SBF1: variants seen among roughly 807,000 people sequenced by gnomAD.
SBF1 encodes myotubularin-related protein 5.
SBF1 carries 65 observed loss-of-function variants against 215.8 expected under a neutral mutation model. The ratio of observed to expected loss-of-function variants is 0.30; its 90% confidence interval spans 0.25 to 0.37. The LOEUF (loss-of-function observed/expected upper bound fraction) is 0.37, where lower values mean the gene tolerates loss of function less well. Ranked by LOEUF, SBF1 falls within the 10% of genes least tolerant of loss-of-function variation. The probability of loss-of-function intolerance (pLI) is 1.00; values close to 1 mark genes in which losing one functional copy is unlikely to be tolerated. For synonymous variants in SBF1, 1,410 were observed against 1,122.8 expected, an observed-to-expected ratio of 1.26 and a Z score of -5.11; for missense variants, 2,634 against 2,667.8, an observed-to-expected ratio of 0.99 and a Z score of 0.28.
rs2066913360 is a variant in SBF1 at position 50,448,283 on chromosome 22, G to A, written c.5313C>T (p.Arg1771=). The A allele has an allele frequency of 1.2e-6, 2 of 1,613,088 alleles. No homozygotes were observed. Among genetic ancestry groups the A allele is most frequent in the Non-Finnish European group, 1.7e-6 (2 of 1,179,982 alleles). The change falls in exon 38 of 41, where the codon CGC becomes CGT. Residue 1771 remains arginine (R), a synonymous_variant. Coordinates refer to ENST00000380817, the MANE Select transcript of SBF1 (RefSeq NM_002972.4). Reference sequence around the variant, plus strand: ...ACTGGCTGTACAGGGTGCTGGTGCTGCGGCGGGCAGCCTGACGGGAGCCGG... The same window carrying A: ...ACTGGCTGTACAGGGTGCTGGTGCTACGGCGGGCAGCCTGACGGGAGCCGG... ...TTSGSRQAAR[R]STSTLYSQFQ...
intron 5 of SBF1, 58 bp downstream of exon 5, chr22:50,467,280 C>T (rs2067808264): frequency 1.4e-6 from 2 of 1,436,168 alleles, no homozygotes; most frequent in African/African-American, 2.8e-5. Flanking sequence ...AAATACCTAC[C>T]AGGGCCCCAG....
Position 50,463,366 on chromosome 22 carries a change from G to A in SBF1, c.1816C>T (p.His606Tyr). Residue 606 changes from histidine (H) to tyrosine (Y), a missense_variant, in exon 16 of 41, where the codon CAC (histidine) becomes TAC (tyrosine). Transcript: ENST00000380817. ...AARRCLAQEL[H>Y]LHVQQNRAVL... ...GCACGGTTCTGCTGCACATGCAGGTGCAGCTCCTGGGCGAGGCAGCGGCGG... is the reference window on the plus strand; with the variant it reads ...GCACGGTTCTGCTGCACATGCAGGTACAGCTCCTGGGCGAGGCAGCGGCGG... The A allele has an allele frequency of 6.2e-7, 1 of 1,608,850 alleles. No homozygotes were observed. Among genetic ancestry groups the A allele is most frequent in the Middle Eastern group, 1.7e-4 (1 of 6,044 alleles).
Position 50,459,324 on chromosome 22 carries a change from G to T in SBF1, c.3757C>A (p.Pro1253Thr). 6.2e-7 allele frequency: 1 copy of T among 1,612,818 alleles called. No individual in the cohort carries two copies. Among genetic ancestry groups the T allele is most frequent in the Non-Finnish European group, 8.5e-7 (1 of 1,179,588 alleles). ...KYLQAVVSSMPRYADASGRNT... is the reference protein window; with the variant it reads ...KYLQAVVSSMTRYADASGRNT... ...CGTCCCGACGCGTCGGCGTAGCGGG[G>T]CATGGAGCTGACCACAGCCTGCAGG... Residue 1253 changes from proline (P) to threonine (T), a missense_variant, in exon 28 of 41, where the codon CCC becomes ACC. Coordinates refer to ENST00000380817, the MANE Select transcript of SBF1 (RefSeq NM_002972.4).
At chr22:50,455,714 T>G (rs551929492) in intron 31 of SBF1, 132 bp from the exon 32 acceptor site, 1 of 734,710 alleles carries the variant, frequency 1.4e-6, no homozygotes, top group Non-Finnish European at 2.3e-6. Flanking sequence ...AAGCCCTGTA[T>G]GCGGGCAGAG....
At chr22:50,459,919 C>G in intron 26 of SBF1, 33 bp downstream of exon 26, 1 of 1,609,474 alleles carries the variant, frequency 6.2e-7, no homozygotes, top group South Asian at 1.1e-5. Context: ...AGTCACGTGT[C>G]CACCACCCGG....
Position 50,448,435 on chromosome 22 carries a change from T to A in SBF1, c.5161A>T (p.Ser1721Cys). The A allele has an allele frequency of 6.2e-7, 1 of 1,613,604 alleles. No individual in the cohort carries two copies. Among genetic ancestry groups the A allele is most frequent in the Non-Finnish European group, 8.5e-7 (1 of 1,179,890 alleles). Residue 1721 changes from serine (S) to cysteine (C), a missense_variant, in exon 38 of 41, where the codon AGC becomes TGC. Coordinates refer to ENST00000380817, the MANE Select transcript of SBF1 (RefSeq NM_002972.4). ...GGTGCGGTGGACACAAGGAGGGAGC[T>A]AGGGGTGCCCTGGGAACAGGAGGTT... ...EGRPDGRGTPSSLLVSTAPHH... is the reference protein window; with the variant it reads ...EGRPDGRGTPCSLLVSTAPHH...
intron 31 of SBF1, 152 bp from the exon 32 acceptor site, chr22:50,455,734 AAC>A: frequency 1.5e-6 from 1 of 660,230 alleles, no homozygotes; most frequent in South Asian, 1.9e-5. Context: ...GCACTGGACA[AAC>A]ACAGCTCGCT....
In SBF1 at chr22:50,461,724, C is replaced by T. The variant is rs540628178; in HGVS notation, c.2644-6G>A. 2.7e-5 allele frequency: 43 copies of T among 1,608,926 alleles called. No individual in the cohort carries two copies. The highest frequency in any genetic ancestry group is 3.2e-5 in the Non-Finnish European group (38 of 1,177,858). On this transcript the variant is annotated splice_region_variant and splice_polypyrimidine_tract_variant and intron_variant, in intron 21 of 40. Transcript: ENST00000380817. ...CGCGGCCGCAGCAGCTTGGGCTGCT[C>T]GAAAACAAGAGCAGGAGCTCAGGAT... is the stretch of plus-strand genomic sequence containing the variant.
In SBF1 at chr22:50,465,973, A is replaced by G; in HGVS notation, c.999T>C (p.Ser333=). The part of the protein sequence containing the change: ...LPEPLQSQTH[S]VLSMVLDPEL... ...TGGTGCCCCTCACCATGCTCAGCAC[A>G]CTGTGCGTCTGACTCTGCAGTGGCT... is the stretch of plus-strand genomic sequence containing the variant. The change falls in exon 9 of 41, where the codon AGT becomes AGC. Residue 333 remains serine (S), a synonymous_variant. Coordinates refer to ENST00000380817, the MANE Select transcript of SBF1 (RefSeq NM_002972.4). The G allele has an allele frequency of 6.2e-7, 1 of 1,613,962 alleles. No individual in the cohort carries two copies.
Position 50,448,626 on chromosome 22 carries a change from ACT to A in SBF1, c.5066_5067del (p.Glu1689ValfsTer6). 6.2e-7 allele frequency: 1 copy of A among 1,611,562 alleles called. No homozygotes were observed. The highest frequency in any genetic ancestry group is 8.5e-7 in the Non-Finnish European group (1 of 1,179,970). On this transcript the variant is annotated frameshift_variant, in exon 37 of 41. Transcript: ENST00000380817. LOFTEE classifies it high-confidence loss of function. Reference sequence around the variant, plus strand: ...TTCCAGCGCTCAGCGGGTTGGCCCAACTCTGTCTCCAGCCTCTGCAGCTCCTG... The same window carrying A: ...TTCCAGCGCTCAGCGGGTTGGCCCAACTGTCTCCAGCCTCTGCAGCTCCTG... ...LLEELQRLET[E>X]LGQPAERWKD...
At chr22:50,449,476 G>A (rs575684574) in intron 36 of SBF1, among the ~76,000 whole-genome samples, 2 of 152,080 alleles carry the variant, frequency 1.3e-5, no homozygotes, top group African/African-American at 2.4e-5. Flanking sequence ...TTAGCCGGAC[G>A]CAGTGGCAGG....
rs745455990 is a variant in SBF1, at chr22:50,462,258, C to A, written c.2343G>T (p.Glu781Asp). Residue 781 changes from glutamate to aspartate, a missense_variant, in exon 19 of 41, where the codon GAG becomes GAT. By Grantham distance (45) the Glu-to-Asp change is conservative. Coordinates refer to ENST00000380817, the MANE Select transcript of SBF1 (RefSeq NM_002972.4). ...LDSSKSRLLR[E>D]RAGLGDLESA... is the part of the protein sequence containing the mutation. ...TCTCCAGGTCGCCCAGCCCGGCACG[C>A]TCCCGAAGTAGGCGGCTCTTGCTGC... 7 of 1,610,922 alleles carry A rather than the reference C, an allele frequency of 4.3e-6. No individual in the cohort carries two copies. The highest frequency in any genetic ancestry group is 5.9e-6 in the Non-Finnish European group (7 of 1,179,988).
intron 1 of SBF1, among the ~76,000 whole-genome samples, 193 bp downstream of exon 1, chr22:50,474,593 T>A (rs71311695): frequency 2.5e-4 from 34 of 137,506 alleles, no homozygotes; most frequent in African/African-American, 9.3e-4. Context: ...AGTCCTCGGC[T>A]CCCCCGACCC....
Position 50,448,212 on chromosome 22 carries a change from C to T in SBF1, c.5363+21G>A, listed in dbSNP as rs777748039. On this transcript the variant is annotated intron_variant, in intron 38 of 40. Transcript: ENST00000380817. Reference sequence around the variant, plus strand: ...CACCAGCTCAGAGGTGTCCATGTGGCAGTGGGAGGTGCCCTCATACCTGTT... The same window carrying T: ...CACCAGCTCAGAGGTGTCCATGTGGTAGTGGGAGGTGCCCTCATACCTGTT... 4 of 1,606,026 alleles carry T rather than the reference C, an allele frequency of 2.5e-6. No homozygotes were observed. In the South Asian group the frequency reaches 4.4e-5, roughly 18 times the overall value.
chr22:50,468,500 C>A (rs766844908), intron 1 of SBF1, 39 bp from the exon 2 acceptor site: 9 of 1,191,972 alleles, frequency 7.6e-6, no homozygotes, highest in Non-Finnish European at 9.9e-6. Flanking sequence ...CCCAACCCGC[C>A]CCCCACCCAC....
chr22:50,455,497 C>G lies in SBF1; in HGVS notation c.4352G>C (p.Trp1451Ser), dbSNP rs770818849. Residue 1451 changes from tryptophan (W) to serine (S), a missense_variant, in exon 32 of 41, where the codon TGG becomes TCG. Trp to Ser is a radical substitution (Grantham distance 177). Coordinates refer to ENST00000380817, the MANE Select transcript of SBF1 (RefSeq NM_002972.4). ...SSVLVGLEDG[W>S]DITTQVVSLV... ...GCCACACACCTGGGTGGTGATGTCCCAGCCATCCTCCAGGCCCACCAGCAC... is the reference window on the plus strand; with the variant it reads ...GCCACACACCTGGGTGGTGATGTCCGAGCCATCCTCCAGGCCCACCAGCAC... The G allele has an allele frequency of 6.5e-5, 105 of 1,608,542 alleles. No individual in the cohort carries two copies. Among genetic ancestry groups the G allele is most frequent in the Non-Finnish European group, 3.4e-6 (4 of 1,177,914 alleles).
rs1351951034 is a variant in SBF1 at position 50,447,063 on chromosome 22, A to G, written c.*79T>C. The G allele has an allele frequency of 7.6e-7, 1 of 1,324,366 alleles. No homozygotes were observed. The highest frequency in any genetic ancestry group is 1.5e-5 in the African/African-American group (1 of 68,756). The allele number at this position is 1,324,366 out of a possible 1,614,324, so 82.0% of individuals were successfully genotyped here. ...AATACTGTCGAGGGCCGGGGCTGTAAACATGGCCGGGGCGGCCCTGCCCAC... is the reference window on the plus strand; with the variant it reads ...AATACTGTCGAGGGCCGGGGCTGTAGACATGGCCGGGGCGGCCCTGCCCAC... On this transcript the variant is annotated 3_prime_UTR_variant, in exon 41 of 41. Coordinates refer to ENST00000380817, the MANE Select transcript of SBF1 (RefSeq NM_002972.4).
chr22:50,470,726 C>T (rs1316774102), intron 1 of SBF1, among the ~76,000 whole-genome samples: 2 of 152,214 alleles, frequency 1.3e-5, no homozygotes. Context: ...GCTTGTAGAA[C>T]ACGTACAGTC....
intron 36 of SBF1, among the ~76,000 whole-genome samples, chr22:50,451,969 A>G (rs1054471939): frequency 1.3e-5 from 2 of 151,616 alleles, no homozygotes; most frequent in African/African-American, 4.8e-5. Flanking sequence ...GCTCATTTTT[A>G]TATTTTAGTA....
Sources: allele counts gnomAD v4.1 joint callset (sites outside exome capture counted in the v4.1 genomes callset), GRCh38; gene constraint gnomAD v4.1.1; transcripts MANE v1.5; gene names NCBI Gene and HGNC (gene_info 2026-07-23, HGNC 2026-07-21).